Variants in SNX11 observed in about 807,000 individuals in gnomAD.
The protein encoded by SNX11 is sorting nexin-11.
In SNX11, 19 loss-of-function variants were observed where a neutral mutation model predicts 30.7. That is an observed-to-expected ratio of 0.62 (90% CI 0.43 to 0.91). The LOEUF (loss-of-function observed/expected upper bound fraction) is 0.91. Ranked by LOEUF, SNX11 falls within the 40% of genes least tolerant of loss-of-function variation. SNX11 has a pLI of 0.00. For missense variants in SNX11, 302 were observed against 326.7 expected, an observed-to-expected ratio of 0.92 and a Z score of 0.58; for synonymous variants, 112 against 119.0, an observed-to-expected ratio of 0.94 and a Z score of 0.38.
chr17:48,114,850 A>G (rs2063528574), intron 4 of SNX11, among the ~76,000 whole-genome samples: 1 of 150,856 alleles, frequency 6.6e-6, no homozygotes, highest in Non-Finnish European at 1.5e-5. Flanking sequence ...GTATTTTAGT[A>G]GAGATGAGGT....
intron 1 of SNX11, among the ~76,000 whole-genome samples, chr17:48,110,278 G>A (rs2063478269): frequency 6.6e-6 from 1 of 152,126 alleles, no homozygotes; most frequent in Non-Finnish European, 1.5e-5. Flanking sequence ...GGAGGTGGTG[G>A]CTGCATCAGA....
intron 4 of SNX11, among the ~76,000 whole-genome samples, chr17:48,116,479 A>T (rs2063546872): frequency 6.6e-6 from 1 of 151,974 alleles, no homozygotes; most frequent in Non-Finnish European, 1.5e-5. Flanking sequence ...TCAGTCTCCC[A>T]AGTTGTTGGG....
chr17:48,113,017 C>A, intron 3 of SNX11: 1 of 335,046 alleles, frequency 3.0e-6, no homozygotes, highest in Non-Finnish European at 5.6e-6. Flanking sequence ...GGATTATAGG[C>A]GTGAGCCACC....
At chr17:48,115,846 C>T (rs1386899535) in intron 4 of SNX11, among the ~76,000 whole-genome samples, 1 of 150,910 alleles carries the variant, frequency 6.6e-6, no homozygotes, top group East Asian at 1.9e-4. Context: ...TGTCCTGGGG[C>T]AGGCCCTAAT....
chr17:48,118,414 T>C (rs1300676308), intron 4 of SNX11, among the ~76,000 whole-genome samples: 2 of 151,898 alleles, frequency 1.3e-5, no homozygotes, highest in East Asian at 3.9e-4. Flanking sequence ...CCCGTCTCTA[T>C]TAAAAATACA....
At position 48,121,309 on chromosome 17, in the gene SNX11, A is replaced by T. The variant is rs1479893631; in HGVS notation, c.614A>T (p.Glu205Val). The change falls in exon 7 of 7, where the codon GAA (glutamate) becomes GTA (valine). Residue 205 changes from glutamate to valine, a missense_variant. By Grantham distance (121) the Glu-to-Val change is moderately radical. Transcript: ENST00000359238. Reference protein sequence around the residue: ...PPPSEEKDHLEVWAPVVDSEV... With the variant: ...PPPSEEKDHLVVWAPVVDSEV... ...CCCAGTGAAGAAAAGGACCATTTAG[A>T]AGTGTGGGCTCCAGTTGTTGACTCT... The T allele has an allele frequency of 6.2e-7, 1 of 1,614,116 alleles. No homozygotes were observed. The highest frequency in any genetic ancestry group is 1.1e-5 in the South Asian group (1 of 91,080).
At chr17:48,107,698 G>C (rs2063449745), upstream of SNX11, 1 of 152,328 alleles carries the variant, frequency 6.6e-6, no homozygotes, top group Non-Finnish European at 1.5e-5. Flanking sequence ...CTGTAGGGGC[G>C]GGGCGTCCCG....
chr17:48,112,254 C>T (rs2063499625), intron 2 of SNX11, 169 bp downstream of exon 2: 1 of 726,476 alleles, frequency 1.4e-6, no homozygotes, highest in Non-Finnish European at 2.5e-6. Flanking sequence ...AGAGGCATTC[C>T]TAGGAAATTG....
At chr17:48,118,394 A>G (rs1441195436) in intron 4 of SNX11, among the ~76,000 whole-genome samples, 1 of 152,048 alleles carries the variant, frequency 6.6e-6, no homozygotes, top group African/African-American at 2.4e-5. Context: ...CCTGGCTAAC[A>G]TGGTGAAACC....
intron 4 of SNX11, among the ~76,000 whole-genome samples, chr17:48,116,934 C>T (rs1158535582): frequency 4.6e-5 from 7 of 150,562 alleles, no homozygotes; most frequent in South Asian, 2.1e-4. Flanking sequence ...TGCAGTGGCA[C>T]GATCTCGGCT....
At chr17:48,115,356 C>A (rs551832335) in intron 4 of SNX11, among the ~76,000 whole-genome samples, 1 of 152,196 alleles carries the variant, frequency 6.6e-6, no homozygotes, top group African/African-American at 2.4e-5. Context: ...GCCACCGCAC[C>A]CGGCCAGATA....
Position 48,112,456 on chromosome 17 carries a change from A to G in SNX11, c.43-118A>G, listed in dbSNP as rs1443963170. On this transcript the variant is annotated intron_variant, in intron 2 of 6. Coordinates refer to ENST00000359238, the MANE Select transcript of SNX11 (RefSeq NM_013323.3). ...GAGTGAATGAAAGTTGAATTGAATA[A>G]ATGAAAGTTGGTGTTGAGTGAATGA... 8 of 712,598 alleles carry G rather than the reference A, an allele frequency of 1.1e-5. No homozygotes were observed. In the East Asian group the frequency reaches 2.0e-4, roughly 18 times the overall value. 44.1% of individuals were successfully genotyped at this position (712,598 alleles called of 1,614,324 possible).
At chr17:48,115,534 G>A (rs921876287) in intron 4 of SNX11, among the ~76,000 whole-genome samples, 7 of 152,136 alleles carry the variant, frequency 4.6e-5, no homozygotes, top group Non-Finnish European at 1.0e-4. Flanking sequence ...GTTTAAATCT[G>A]CTTATCAGAA....
intron 4 of SNX11, among the ~76,000 whole-genome samples, chr17:48,116,483 T>C (rs1292726142): frequency 6.6e-6 from 1 of 152,112 alleles, no homozygotes; most frequent in African/African-American, 2.4e-5. Context: ...TCTCCCAAGT[T>C]GTTGGGATTA....
intron 6 of SNX11, among the ~76,000 whole-genome samples, chr17:48,120,618 C>T (rs193273785): frequency 0.027 from 4,018 of 147,494 alleles, 174 homozygotes; most frequent in African/African-American, 0.094. Flanking sequence ...ACACCATTCT[C>T]CTGCCTCAGC....
chr17:48,123,510 A>G lies in SNX11; in HGVS notation c.*2002A>G, dbSNP rs2063617956. ...CAGCAGCTAGTTCTGCCAGCCGGCT[A>G]GGCTGCTGGGACAGCAGGAGCCATT... On this transcript the variant is annotated 3_prime_UTR_variant, in exon 7 of 7. Transcript: ENST00000359238. Among the ~76,000 whole-genome samples the G allele has an allele frequency of 6.6e-6, 1 of 152,148 alleles. No homozygotes were observed. The highest frequency in any genetic ancestry group is 2.4e-5 in the African/African-American group (1 of 41,436).
intron 3 of SNX11, 71 bp downstream of exon 3, chr17:48,112,731 CTTTTTT>C: frequency 5.1e-6 from 3 of 589,332 alleles, no homozygotes; most frequent in Non-Finnish European, 8.1e-6. Flanking sequence ...GAGGTGTAAC[CTTTTTT>C]TTTTTTTTTT....
intron 1 of SNX11, chr17:48,111,235 C>T (rs2063488798): frequency 6.4e-6 from 3 of 465,880 alleles, no homozygotes; most frequent in African/African-American, 2.1e-5. Flanking sequence ...CTCTATGATT[C>T]ACCTGTGGGG....
intron 2 of SNX11, 199 bp from the exon 3 acceptor site, chr17:48,112,375 A>G (rs2063500609): frequency 1.5e-6 from 1 of 649,092 alleles, no homozygotes; most frequent in Non-Finnish European, 2.8e-6. Flanking sequence ...TGCCTATAAC[A>G]GTGTCTGACA....
Sources: allele counts gnomAD v4.1 joint callset (sites outside exome capture counted in the v4.1 genomes callset), GRCh38; gene constraint gnomAD v4.1.1; transcripts MANE v1.5; gene names NCBI Gene and HGNC (gene_info 2026-07-23, HGNC 2026-07-21).